SLC25A12: variants seen among roughly 807,000 people sequenced by gnomAD.
SLC25A12 encodes solute carrier family 25 member 12.
A neutral mutation model predicts 83.3 loss-of-function variants in SLC25A12; 32 were observed. The ratio of observed to expected loss-of-function variants is 0.38; its 90% CI spans 0.29 to 0.52. SLC25A12 has a LOEUF of 0.52. SLC25A12 is among the 20% of genes least tolerant of loss of function. The probability of loss-of-function intolerance (pLI) is 0.84; values close to 1 mark genes in which losing one functional copy is unlikely to be tolerated. For synonymous variants in SLC25A12, 267 were observed against 291.1 expected, an observed-to-expected ratio of 0.92 and a Z score of 0.84; for missense variants, 611 against 835.6, an observed-to-expected ratio of 0.73 and a Z score of 3.31.
rs185124061 is a variant in SLC25A12 at position 171,871,556 on chromosome 2, G to A, written c.67-2733C>T. 8.4e-3 allele frequency: 1,403 copies of A among 166,258 alleles called. 10 individuals carry two copies. The highest frequency in any genetic ancestry group is 0.013 in the Non-Finnish European group (1,086 of 80,964). 10.3% of individuals were successfully genotyped at this position (166,258 alleles called of 1,614,324 possible). On this transcript the variant is annotated intron_variant, in intron 2 of 17. Transcript: ENST00000422440. ...AGGATGGTCTTGATCTCCTGACCTCGTGATCCACCTGCCTCGGCCTCCCAA... is the reference window on the plus strand; with the variant it reads ...AGGATGGTCTTGATCTCCTGACCTCATGATCCACCTGCCTCGGCCTCCCAA...
intron 2 of SLC25A12, among the ~76,000 whole-genome samples, chr2:171,875,785 C>T (rs1359184844): frequency 6.6e-6 from 1 of 151,848 alleles, no homozygotes; most frequent in Middle Eastern, 3.4e-3. Flanking sequence ...TGGTGGCGGG[C>T]GCCTGTAGTC....
intron 15 of SLC25A12, 150 bp from the exon 16 acceptor site, chr2:171,788,097 G>A: frequency 1.4e-6 from 1 of 725,436 alleles, no homozygotes; most frequent in Non-Finnish European, 2.4e-6. Context: ...TGGGAAAAGG[G>A]CATAGAAGCC....
At chr2:171,842,572 TAAC>T (rs1299013149) in intron 5 of SLC25A12, among the ~76,000 whole-genome samples, 1 of 152,074 alleles carries the variant, frequency 6.6e-6, no homozygotes, top group Non-Finnish European at 1.5e-5. Context: ...CCAGCCTGGA[TAAC>T]AAGAGCGAAA....
chr2:171,845,839 AT>A (rs979378488), intron 4 of SLC25A12: 4 of 455,154 alleles, frequency 8.8e-6, no homozygotes, highest in Middle Eastern at 3.2e-4. Flanking sequence ...TTGAAATGGA[AT>A]GCAGGATTCA....
chr2:171,885,457 A>T (rs201336850), intron 2 of SLC25A12, among the ~76,000 whole-genome samples: 1 of 151,922 alleles, frequency 6.6e-6, no homozygotes, highest in East Asian at 1.9e-4. Flanking sequence ...AGGCAGGTGG[A>T]TCACCTGAGG....
At chr2:171,799,722 G>A (rs1410782812) in intron 13 of SLC25A12, among the ~76,000 whole-genome samples, 1 of 152,152 alleles carries the variant, frequency 6.6e-6, no homozygotes, top group African/African-American at 2.4e-5. Flanking sequence ...CATGCTCTCT[G>A]CCTCACCGAG....
chr2:171,809,228 G>C (rs1347391857), intron 13 of SLC25A12, among the ~76,000 whole-genome samples: 1 of 152,124 alleles, frequency 6.6e-6, no homozygotes, highest in Admixed American at 6.5e-5. Flanking sequence ...TCAGTAATGG[G>C]ATTGCTGGGT....
rs534855900 is a variant in SLC25A12 at position 171,819,052 on chromosome 2, C to A, written c.931-3850G>T. Among the ~76,000 whole-genome samples the A allele has an allele frequency of 6.3e-4, 92 of 146,350 alleles. 1 individual carries two copies. Among genetic ancestry groups the A allele is most frequent in the African/African-American group, 2.0e-3 (81 of 39,834 alleles). ...TGGCCTTAAAAAGTAAGATTAAAAC[C>A]TAAAGCCATGACAGTATAGGAGAAG... On this transcript the variant is annotated intron_variant, in intron 9 of 17. Coordinates refer to ENST00000422440, the MANE Select transcript of SLC25A12 (RefSeq NM_003705.5).
At position 171,813,429 on chromosome 2, in the gene SLC25A12, C is replaced by A; in HGVS notation, c.1081G>T (p.Gly361Cys). ...TACATTAGCTCCCCAACAACAGAGC[C>A]AGAGCCACGCTGGTTTTGCATTCGG... ...KTRMQNQRGSGSVVGELMYKN... is the reference protein window; with the variant it reads ...KTRMQNQRGSCSVVGELMYKN... The change falls in exon 11 of 18, where the codon GGC becomes TGC. Residue 361 changes from glycine (G) to cysteine (C), a missense_variant. Transcript: ENST00000422440. The A allele has an allele frequency of 6.2e-7, 1 of 1,614,060 alleles. No homozygotes were observed. Among genetic ancestry groups the A allele is most frequent in the Non-Finnish European group, 8.5e-7 (1 of 1,179,964 alleles).
At chr2:171,878,160 T>G (rs191797998) in intron 2 of SLC25A12, among the ~76,000 whole-genome samples, 1 of 152,292 alleles carries the variant, frequency 6.6e-6, no homozygotes, top group Admixed American at 6.5e-5. Context: ...CAAGACATAG[T>G]GCCTGCTGTC....
chr2:171,866,306 A>G (rs1685298726), intron 3 of SLC25A12, among the ~76,000 whole-genome samples: 1 of 137,648 alleles, frequency 7.3e-6, no homozygotes, highest in African/African-American at 2.7e-5. Context: ...ATTCCACAAA[A>G]CCGCCATTGT....
At chr2:171,842,799 A>G (rs756458822) in intron 5 of SLC25A12, among the ~76,000 whole-genome samples, 9 of 152,042 alleles carry the variant, frequency 5.9e-5, no homozygotes, top group Non-Finnish European at 1.2e-4. Context: ...GAACGTACTA[A>G]ATGCCACTCA....
intron 13 of SLC25A12, among the ~76,000 whole-genome samples, chr2:171,795,977 C>T (rs1247801010): frequency 6.6e-6 from 1 of 152,202 alleles, no homozygotes; most frequent in African/African-American, 2.4e-5. Flanking sequence ...GACAGGGCCT[C>T]ACTCTGTCAC....
chr2:171,860,493 T>G (rs1459376407), intron 3 of SLC25A12, among the ~76,000 whole-genome samples: 4 of 152,026 alleles, frequency 2.6e-5, no homozygotes, highest in African/African-American at 7.3e-5. Flanking sequence ...TCCCAGCTAT[T>G]TGGGTGGCTG....
chr2:171,812,138 A>C (rs1469695328), intron 11 of SLC25A12, among the ~76,000 whole-genome samples: 1 of 152,186 alleles, frequency 6.6e-6, no homozygotes, highest in Non-Finnish European at 1.5e-5. Flanking sequence ...ATTCATTCTC[A>C]AGAGCAGGGT....
chr2:171,883,800 T>C (rs2105929635), intron 2 of SLC25A12, among the ~76,000 whole-genome samples: 1 of 152,314 alleles, frequency 6.6e-6, no homozygotes, highest in East Asian at 1.9e-4. Context: ...CCCTTCTCAT[T>C]ATTCTGTTTA....
chr2:171,819,324 AATATATAATT>A (rs1380396829), intron 9 of SLC25A12, among the ~76,000 whole-genome samples: 1 of 122,336 alleles, frequency 8.2e-6, no homozygotes, highest in Non-Finnish European at 1.7e-5. Context: ...TATAATACAT[AATATATAATT>A]ATATATATTA....
At chr2:171,806,853 G>GT (rs1205189292) in intron 13 of SLC25A12, among the ~76,000 whole-genome samples, 1 of 152,144 alleles carries the variant, frequency 6.6e-6, no homozygotes, top group Non-Finnish European at 1.5e-5. Context: ...ACCGTACATC[G>GT]TATCACCACC....
At chr2:171,810,357 A>G (rs567460118) in intron 11 of SLC25A12, 81 bp from the exon 12 acceptor site, 129 of 1,133,460 alleles carry the variant, frequency 1.1e-4, no homozygotes, top group East Asian at 2.1e-4. Context: ...AGTTTCCCCC[A>G]TATTATTTAC....
Sources: gnomAD v4.1 joint callset for allele counts (sites outside exome capture counted in the v4.1 genomes callset) on GRCh38, gnomAD v4.1.1 for gene constraint, MANE v1.5 for transcripts, NCBI Gene and HGNC (gene_info 2026-07-23, HGNC 2026-07-21) for gene names.